RANBP17: variants seen among roughly 807,000 people sequenced by gnomAD.
The protein encoded by RANBP17 is RAN binding protein 17.
In RANBP17, 158 loss-of-function variants were observed where a neutral mutation model predicts 141.2. The observed-to-expected ratio is 1.12, with a 90% CI of 0.98 to 1.28. RANBP17 has a LOEUF of 1.28. RANBP17 is among the 50% of genes most tolerant of loss of function. RANBP17 has a pLI of 0.00. For synonymous variants in RANBP17, 430 were observed against 450.0 expected (o/e 0.96, Z 0.56); for missense variants, 1,438 against 1,290.7 (o/e 1.11, Z -1.75).
intron 14 of RANBP17, among the ~76,000 whole-genome samples, chr5:171,062,772 T>C (rs550976112): frequency 6.6e-6 from 1 of 152,362 alleles, no homozygotes; most frequent in East Asian, 1.9e-4. Flanking sequence ...CTTGTTTCCA[T>C]TCTCCCCGTC....
In RANBP17 at chr5:171,205,525, G is replaced by GTA; in HGVS notation, c.2146_2147dup (p.Met716IlefsTer3). On this transcript the variant is annotated frameshift_variant and splice_region_variant, in exon 20 of 28. Coordinates refer to ENST00000523189, the MANE Select transcript of RANBP17 (RefSeq NM_022897.5). LOFTEE classifies it high-confidence loss of function. ...ACTGTGTCTCTTTCCCACTGACAGC[G>GTA]TATGTTGATCGGGCTGGCAAGAGAT... The GTA allele has an allele frequency of 6.2e-7, 1 of 1,613,252 alleles. No homozygotes were observed. Among genetic ancestry groups the GTA allele is most frequent in the Non-Finnish European group, 8.5e-7 (1 of 1,179,322 alleles).
intron 14 of RANBP17, among the ~76,000 whole-genome samples, chr5:171,153,142 G>A (rs1758608272): frequency 6.6e-6 from 1 of 152,144 alleles, no homozygotes; most frequent in Non-Finnish European, 1.5e-5. Flanking sequence ...TTGATTGATT[G>A]GATATTGATT....
intron 14 of RANBP17, among the ~76,000 whole-genome samples, chr5:171,089,363 G>C (rs1396364406): frequency 6.7e-6 from 1 of 148,930 alleles, no homozygotes; most frequent in African/African-American, 2.5e-5. Context: ...TCTCTTCAAA[G>C]CTGTCAGACA....
rs532627893 is a variant in RANBP17, at chr5:170,977,051, C to T, written c.1710+8674C>T. Among the ~76,000 whole-genome samples the T allele has an allele frequency of 7.9e-5, 12 of 152,072 alleles. No homozygotes were observed. The South Asian group carries it at 8.3e-4, about 11-fold the overall frequency. Reference sequence around the variant, plus strand: ...GAGGACATCATCAAGAAATTGAAAGCGCAACCTACAAAAATGGGAGAAGAT... The same window carrying T: ...GAGGACATCATCAAGAAATTGAAAGTGCAACCTACAAAAATGGGAGAAGAT... On this transcript the variant is annotated intron_variant, in intron 14 of 27. Transcript: ENST00000523189.
intron 14 of RANBP17, among the ~76,000 whole-genome samples, chr5:171,049,824 G>C (rs1480757032): frequency 6.6e-6 from 1 of 152,086 alleles, no homozygotes; most frequent in African/African-American, 2.4e-5. Context: ...TTCCATTGGT[G>C]TATGTGTCTG....
intron 5 of RANBP17, 56 bp downstream of exon 5, chr5:170,896,171 C>T: frequency 1.7e-6 from 2 of 1,200,192 alleles, no homozygotes; most frequent in East Asian, 2.4e-5. Flanking sequence ...AATGCTGTTT[C>T]TTTTCTGCTT....
intron 25 of RANBP17, among the ~76,000 whole-genome samples, chr5:171,272,800 G>T (rs968310393): frequency 2.2e-4 from 33 of 151,598 alleles, no homozygotes; most frequent in African/African-American, 7.8e-4. Context: ...CAAAACAGAT[G>T]GGCAGTGACC....
At chr5:170,982,304 T>C (rs1777828011) in intron 14 of RANBP17, among the ~76,000 whole-genome samples, 1 of 152,192 alleles carries the variant, frequency 6.6e-6, no homozygotes, top group Non-Finnish European at 1.5e-5. Flanking sequence ...TGAGAAGCCC[T>C]GTTGTGAACA....
At chr5:171,054,206 T>G (rs1300347306) in intron 14 of RANBP17, among the ~76,000 whole-genome samples, 1 of 152,026 alleles carries the variant, frequency 6.6e-6, no homozygotes, top group Non-Finnish European at 1.5e-5. Flanking sequence ...TTTCGGGGGT[T>G]TTTTGTTCAC....
At chr5:171,158,904 C>G (rs1382434868) in intron 14 of RANBP17, among the ~76,000 whole-genome samples, 3 of 152,218 alleles carry the variant, frequency 2.0e-5, no homozygotes, top group Middle Eastern at 3.4e-3. Context: ...AAACATTATC[C>G]ATGTTGTAAG....
At chr5:171,263,919 A>C (rs554351368) in intron 24 of RANBP17, among the ~76,000 whole-genome samples, 1 of 152,050 alleles carries the variant, frequency 6.6e-6, no homozygotes, top group Non-Finnish European at 1.5e-5. Context: ...AAAAGTAGCC[A>C]GGCATGGTAG....
At chr5:170,973,209 A>G (rs1011074857) in intron 14 of RANBP17, among the ~76,000 whole-genome samples, 2 of 152,234 alleles carry the variant, frequency 1.3e-5, no homozygotes, top group Non-Finnish European at 2.9e-5. Context: ...AAATTGATTC[A>G]TATATGCATT....
At chr5:171,281,302 G>T (rs929981967) in intron 25 of RANBP17, among the ~76,000 whole-genome samples, 1 of 152,288 alleles carries the variant, frequency 6.6e-6, no homozygotes, top group Non-Finnish European at 1.5e-5. Context: ...AATCTCTTAG[G>T]CACCAAGGCA....
chr5:171,291,294 T>C (rs1581193829), intron 25 of RANBP17, among the ~76,000 whole-genome samples: 1 of 152,272 alleles, frequency 6.6e-6, no homozygotes, highest in South Asian at 2.1e-4. Context: ...ATATCGTATG[T>C]GTTTTCAGAC....
rs372960305 is a variant in RANBP17 at position 170,914,258 on chromosome 5, G to C, written c.834+18G>C. On this transcript the variant is annotated intron_variant, in intron 8 of 27. Transcript: ENST00000523189. Reference sequence around the variant, plus strand: ...CTCAGTTAGTAAGTAAAAGTCATTCGTTATTTCGTTAAAAAATACCTGTGT... The same window carrying C: ...CTCAGTTAGTAAGTAAAAGTCATTCCTTATTTCGTTAAAAAATACCTGTGT... The C allele has an allele frequency of 3.2e-5, 48 of 1,500,866 alleles. No individual in the cohort carries two copies. The highest frequency in any genetic ancestry group is 4.4e-5 in the Non-Finnish European group (48 of 1,079,330). 93.0% of individuals were successfully genotyped at this position (1,500,866 alleles called of 1,614,324 possible).
At chr5:171,195,731 T>A (rs774898416) in intron 18 of RANBP17, among the ~76,000 whole-genome samples, 2 of 152,172 alleles carry the variant, frequency 1.3e-5, no homozygotes, top group African/African-American at 4.8e-5. Flanking sequence ...CAGACCTGAT[T>A]GGGAATCCTG....
chr5:171,007,438 A>G (rs12522413), intron 14 of RANBP17, among the ~76,000 whole-genome samples: 90,613 of 151,660 alleles, frequency 0.6, 28,670 homozygotes, highest in South Asian at 0.88. Flanking sequence ...TCAGCCTGGC[A>G]GGGAGCGACT....
chr5:171,083,609 A>G (rs1482054445), intron 14 of RANBP17, among the ~76,000 whole-genome samples: 1 of 152,186 alleles, frequency 6.6e-6, no homozygotes, highest in Non-Finnish European at 1.5e-5. Flanking sequence ...GGAAAAATAC[A>G]TTATTAATGT....
intron 14 of RANBP17, among the ~76,000 whole-genome samples, chr5:171,087,587 G>A (rs1301630618): frequency 1.3e-5 from 2 of 151,796 alleles, no homozygotes; most frequent in Non-Finnish European, 2.9e-5. Flanking sequence ...CATTATTAAT[G>A]TGTGGGAGTC....
Sources: allele counts gnomAD v4.1 joint callset (sites outside exome capture counted in the v4.1 genomes callset), GRCh38; gene constraint gnomAD v4.1.1; transcripts MANE v1.5; gene names NCBI Gene and HGNC (gene_info 2026-07-23, HGNC 2026-07-21).